The following C2orf78 variants were observed in gnomAD, a reference collection of about 807,000 sequenced individuals.
C2orf78 encodes the protein chromosome 2 open reading frame 78.
Under a neutral mutation model 21.4 loss-of-function variants are expected in C2orf78, and 12 were observed. That is an observed-to-expected ratio of 0.56 (90% CI 0.36 to 0.91). C2orf78 has a LOEUF of 0.91. C2orf78 is among the 40% of genes least tolerant of loss of function. The probability of loss-of-function intolerance (pLI) is 0.01; values close to 1 mark genes in which losing one functional copy is unlikely to be tolerated. For synonymous variants in C2orf78, 396 were observed against 413.9 expected (o/e 0.96, Z 0.52); for missense variants, 1,042 against 1,092.4 (o/e 0.95, Z 0.65).
chr2:73,816,043 G>T, exon 3 of C2orf78: 2 of 1,613,830 alleles, frequency 1.2e-6, no homozygotes, highest in Non-Finnish European at 1.7e-6. Context: ...AATATGAAAC[G>T]GAAGAAAAAT....
intron 1 of C2orf78, among the ~76,000 whole-genome samples, chr2:73,810,261 T>C (rs1273770248): frequency 6.6e-6 from 1 of 152,038 alleles, no homozygotes; most frequent in South Asian, 2.1e-4. Context: ...CCGGGCAGGA[T>C]GGCTCACACC....
At chr2:73,808,677 C>T (rs951691600) in intron 1 of C2orf78, 6 of 1,417,186 alleles carry the variant, frequency 4.2e-6, no homozygotes, top group East Asian at 5.4e-5. Flanking sequence ...TTTGTGACAT[C>T]ATTCTCCCAC....
chr2:73,816,445 T>C (rs1673200694), exon 3 of C2orf78: 2 of 1,613,810 alleles, frequency 1.2e-6, no homozygotes, highest in Non-Finnish European at 1.7e-6. Flanking sequence ...CCAAACCCTC[T>C]AGCCTCACGT....
At chr2:73,815,769 G>C (rs778830765) in exon 3 of C2orf78, 3 of 1,613,614 alleles carry the variant, frequency 1.9e-6, no homozygotes, top group Middle Eastern at 3.3e-4. Flanking sequence ...TGCTCCCAAG[G>C]CCAAAATCCA....
intron 1 of C2orf78, among the ~76,000 whole-genome samples, chr2:73,810,874 A>G (rs1467528350): frequency 1.4e-5 from 2 of 138,462 alleles, no homozygotes; most frequent in East Asian, 4.0e-4. Flanking sequence ...ATACATATAA[A>G]TTTTAAATTT....
intron 1 of C2orf78, among the ~76,000 whole-genome samples, chr2:73,810,543 A>G (rs1238942035): frequency 7.0e-6 from 1 of 142,304 alleles, no homozygotes; most frequent in African/African-American, 2.6e-5. Context: ...GAAAATATAT[A>G]TATATATATA....
intron 1 of C2orf78, among the ~76,000 whole-genome samples, chr2:73,810,884 T>A (rs529052200): frequency 7.2e-6 from 1 of 139,376 alleles, no homozygotes; most frequent in South Asian, 2.1e-4. Context: ...ATTTTAAATT[T>A]AGTGTATATT....
chr2:73,808,025 G>A (rs1018114169), intron 1 of C2orf78, among the ~76,000 whole-genome samples: 1 of 151,118 alleles, frequency 6.6e-6, no homozygotes, highest in African/African-American at 2.5e-5. Flanking sequence ...GGAGGCTGAG[G>A]CGAGCAGATC....
At chr2:73,816,285 C>G in exon 3 of C2orf78, 4 of 1,613,878 alleles carry the variant, frequency 2.5e-6, no homozygotes, top group Non-Finnish European at 3.4e-6. Context: ...GGAGAAAATT[C>G]AAGTCAAGGC....
intron 1 of C2orf78, among the ~76,000 whole-genome samples, chr2:73,809,186 A>G (rs1415082509): frequency 1.3e-5 from 2 of 152,094 alleles, no homozygotes; most frequent in South Asian, 2.1e-4. Flanking sequence ...TAAAGGGTAT[A>G]CGTATAGAAA....
At chr2:73,815,488 G>A in exon 3 of C2orf78, 2 of 1,613,918 alleles carry the variant, frequency 1.2e-6, no homozygotes, top group Non-Finnish European at 1.7e-6. Context: ...AGAAATAAGA[G>A]CCTGAGTCTT....
exon 3 of C2orf78, chr2:73,815,541 G>C: frequency 6.2e-7 from 1 of 1,613,950 alleles, no homozygotes; most frequent in Non-Finnish European, 8.5e-7. Context: ...GTCTAGCAGT[G>C]ATTTGGCAGA....
rs373304262 is a variant in C2orf78, at chr2:73,786,155, G to A, written c.97+1749G>A. Among the ~76,000 whole-genome samples the A allele has an allele frequency of 1.5e-4, 23 of 151,776 alleles. 1 individual carries two copies. The highest frequency in any genetic ancestry group is 3.3e-4 in the Admixed American group (5 of 15,244). ...AGCACTTTGCAAGGCTGACGCAGGC[G>A]GATTGCCTGAGGTCAGAAGTTGGAG... On this transcript the variant is annotated intron_variant, in intron 1 of 2. Coordinates refer to ENST00000409561, the Ensembl canonical transcript of C2orf78.
At chr2:73,798,012 C>A (rs1408212553) in intron 1 of C2orf78, among the ~76,000 whole-genome samples, 1 of 58,388 alleles carries the variant, frequency 1.7e-5, no homozygotes, top group East Asian at 5.6e-4. Context: ...CCAAGTCCAA[C>A]CTGGCCCAGC....
At chr2:73,813,762 A>C in exon 2 of C2orf78, 1 of 1,613,968 alleles carries the variant, frequency 6.2e-7, no homozygotes, top group Non-Finnish European at 8.5e-7. Context: ...GGCGTTTTTG[A>C]GTGGGATAGT....
rs576547970 is a variant in C2orf78, at chr2:73,786,214, T to C, written c.97+1808T>C. Among the ~76,000 whole-genome samples the C allele has an allele frequency of 2.6e-5, 4 of 151,760 alleles. No individual in the cohort carries two copies. In the East Asian group the frequency reaches 7.8e-4, roughly 30 times the overall value. The stretch of plus-strand genomic sequence containing the variant: ...AGGCAACATGGTGAAACCCCATTTC[T>C]CCTGAAAATATAAGAATTAGCTGGG... On this transcript the variant is annotated intron_variant, in intron 1 of 2. Transcript: ENST00000409561.
intron 1 of C2orf78, among the ~76,000 whole-genome samples, chr2:73,810,727 A>G (rs1369558123): frequency 7.5e-6 from 1 of 132,822 alleles, no homozygotes; most frequent in African/African-American, 2.8e-5. Context: ...TAAAATATAC[A>G]TACATAAAAT....
exon 3 of C2orf78, chr2:73,815,995 G>A: frequency 2.5e-6 from 4 of 1,613,872 alleles, no homozygotes; most frequent in Non-Finnish European, 2.5e-6. Flanking sequence ...AAGCAGTCAG[G>A]GAAAAAAGTC....
At chr2:73,816,958 T>A (rs370246642) in exon 3 of C2orf78, 17 of 1,610,504 alleles carry the variant, frequency 1.1e-5, no homozygotes, top group Non-Finnish European at 1.4e-5. Context: ...GAAAGAGATA[T>A]GGAAATTGCT....
Sources: gnomAD v4.1 joint callset for allele counts (sites outside exome capture counted in the v4.1 genomes callset) on GRCh38, gnomAD v4.1.1 for gene constraint, MANE v1.5 for transcripts, NCBI Gene and HGNC (gene_info 2026-07-23, HGNC 2026-07-21) for gene names.